The following RMND5A variants were observed in gnomAD, a reference collection of about 807,000 sequenced individuals.
The protein encoded by RMND5A is required for meiotic nuclear division 5 homolog A.
A neutral mutation model predicts 49.7 loss-of-function variants in RMND5A; 17 were observed. The observed-to-expected ratio is 0.34, with a 90% CI of 0.23 to 0.51. The LOEUF (loss-of-function observed/expected upper bound fraction) is 0.51, where lower values mean the gene tolerates loss of function less well. Ranked by LOEUF, RMND5A falls within the 20% of genes least tolerant of loss-of-function variation. RMND5A has a pLI of 0.96. For missense variants in RMND5A, 255 were observed against 471.3 expected (o/e 0.54, Z 4.25); for synonymous variants, 156 against 167.7 (o/e 0.93, Z 0.54).
At chr2:86,754,441 T>A (rs2104398993) in intron 4 of RMND5A, among the ~76,000 whole-genome samples, 1 of 152,390 alleles carries the variant, frequency 6.6e-6, no homozygotes, top group East Asian at 1.9e-4. Context: ...CCAGAAAAAT[T>A]AACCATCAGT....
chr2:86,763,578 A>AAG lies in RMND5A; in HGVS notation c.522-1448_522-1447insGA, dbSNP rs1672542451. Among the ~76,000 whole-genome samples the AAG allele has an allele frequency of 2.0e-5, 3 of 152,254 alleles. No homozygotes were observed. In the South Asian group the frequency reaches 6.2e-4, roughly 32 times the overall value. ...GAGGATCACTTGAGCCCAGGAGTTCAAAATCAGCTTGGGCAACATAGTGTT... is the reference window on the plus strand; with the variant it reads ...GAGGATCACTTGAGCCCAGGAGTTCAAGAAATCAGCTTGGGCAACATAGTGTT... On this transcript the variant is annotated intron_variant, in intron 4 of 8. Coordinates refer to ENST00000283632, the MANE Select transcript of RMND5A (RefSeq NM_022780.4).
chr2:86,720,835 G>T (rs774769866), intron 1 of RMND5A, 26 bp downstream of exon 1: 4 of 1,557,918 alleles, frequency 2.6e-6, no homozygotes, highest in Non-Finnish European at 3.5e-6. Flanking sequence ...TGGGCGCGCG[G>T]GGCATGGCCC....
In RMND5A at chr2:86,770,114, G is replaced by A; in HGVS notation, c.946G>A (p.Asp316Asn). Residue 316 changes from aspartate (D) to asparagine (N), a missense_variant, in exon 7 of 9, where the codon GAT (aspartate) becomes AAT (asparagine). Transcript: ENST00000283632. ...RQCTGVWNQK[D>N]ELPIEVDLGK... ...GTGTACTGGAGTTTGGAACCAGAAA[G>A]ATGAATTACCTGTGAGTTCCATTTT... 1 of 1,610,654 alleles carries A rather than the reference G, an allele frequency of 6.2e-7. No homozygotes were observed. Among genetic ancestry groups the A allele is most frequent in the Non-Finnish European group, 8.5e-7 (1 of 1,176,874 alleles).
Position 86,720,665 on chromosome 2 carries a change from G to C in RMND5A, c.-3G>C. 1.3e-6 allele frequency: 2 copies of C among 1,548,660 alleles called. No homozygotes were observed. The highest frequency in any genetic ancestry group is 1.4e-5 in the African/African-American group (1 of 70,924). On this transcript the variant is annotated 5_prime_UTR_variant, in exon 1 of 9. Coordinates refer to ENST00000283632, the MANE Select transcript of RMND5A (RefSeq NM_022780.4). The stretch of plus-strand genomic sequence containing the variant: ...CGAGGAGCCGAGCGCCGCCGCCTCC[G>C]GCATGGATCAGTGCGTGACGGTGGA...
Position 86,777,581 on chromosome 2 carries a change from C to T in RMND5A, c.*4170C>T, listed in dbSNP as rs1411486132. On this transcript the variant is annotated 3_prime_UTR_variant, in exon 9 of 9. Transcript: ENST00000283632. ...ATCAAATCATCTTGTTCAGATGGCT[C>T]AGGATTGTATTTATTTTGCTTACCC... The T allele has an allele frequency of 1.3e-5, 2 of 152,144 alleles. No homozygotes were observed. The highest frequency in any genetic ancestry group is 2.4e-5 in the African/African-American group (1 of 41,408). 9.4% of individuals were successfully genotyped at this position (152,144 alleles called of 1,614,324 possible).
chr2:86,759,960 T>G (rs1672413399), intron 4 of RMND5A, among the ~76,000 whole-genome samples: 1 of 152,168 alleles, frequency 6.6e-6, no homozygotes, highest in Admixed American at 6.5e-5. Flanking sequence ...CTTTATGTCT[T>G]TCCTCATTAT....
chr2:86,752,305 G>A (rs544052857), intron 3 of RMND5A, among the ~76,000 whole-genome samples: 4 of 152,246 alleles, frequency 2.6e-5, no homozygotes, highest in East Asian at 1.9e-4. Context: ...GCGCAAAAGC[G>A]ATATTCTTTC....
rs113642630 is a variant in RMND5A, at chr2:86,753,566, T to C, written c.521+8T>C. On this transcript the variant is annotated splice_region_variant and intron_variant, in intron 4 of 8. Transcript: ENST00000283632. ...TCTGAGACCTGCTCTGGAGTGAGTA[T>C]TGAGTTTGCTTTCTTTTGAGTACTT... The C allele has an allele frequency of 6.9e-7, 1 of 1,457,734 alleles. No homozygotes were observed. The highest frequency in any genetic ancestry group is 1.8e-5 in the Admixed American group (1 of 54,862). The allele number at this position is 1,457,734 out of a possible 1,614,324, so 90.3% of individuals were successfully genotyped here. A position where few individuals can be genotyped will look rare whatever the true frequency, so the allele number is the denominator to read the frequency against.
chr2:86,753,115 G>A (rs115400152), intron 3 of RMND5A, among the ~76,000 whole-genome samples: 4,947 of 152,220 alleles, frequency 0.032, 281 homozygotes, highest in African/African-American at 0.11. Context: ...TATTCCCAGG[G>A]TGTCTCCTGT....
chr2:86,762,298 C>T lies in RMND5A; in HGVS notation c.522-2729C>T, dbSNP rs184904321. On this transcript the variant is annotated intron_variant, in intron 4 of 8. Coordinates refer to ENST00000283632, the MANE Select transcript of RMND5A (RefSeq NM_022780.4). ...CAGTTGATAAATAATGCTTGAAATCCCAGAGTCATTACTGCTAAACATTCT... is the reference window on the plus strand; with the variant it reads ...CAGTTGATAAATAATGCTTGAAATCTCAGAGTCATTACTGCTAAACATTCT... Among the ~76,000 whole-genome samples, 3 of 152,208 alleles carry T rather than the reference C, an allele frequency of 2.0e-5. No homozygotes were observed. The East Asian group carries it at 5.8e-4, about 29-fold the overall frequency.
Position 86,777,005 on chromosome 2 carries a change from TAATG to T in RMND5A, c.*3597_*3600del, listed in dbSNP as rs1672781917. The T allele has an allele frequency of 6.6e-6, 1 of 152,232 alleles. No individual in the cohort carries two copies. Among genetic ancestry groups the T allele is most frequent in the African/African-American group, 2.4e-5 (1 of 41,450 alleles). The allele number at this position is 152,232 out of a possible 1,614,324, so 9.4% of individuals were successfully genotyped here. On this transcript the variant is annotated 3_prime_UTR_variant, in exon 9 of 9. Transcript: ENST00000283632. ...AGGTACAAGCTTCATGAACCGTTCT[TAATG>T]AACTATAATTGAATAGATACCAAAA... is the stretch of plus-strand genomic sequence containing the variant.
chr2:86,771,595 C>T lies in RMND5A; in HGVS notation c.995C>T (p.Ser332Phe). The T allele has an allele frequency of 6.2e-7, 1 of 1,609,002 alleles. No individual in the cohort carries two copies. Among genetic ancestry groups the T allele is most frequent in the Non-Finnish European group, 8.5e-7 (1 of 1,178,152 alleles). ...VDLGKKCWYH[S>F]IFACPILRQQ... ...CTTGGTAAAAAGTGCTGGTATCACTCTATATTTGCCTGCCCCATTCTTCGT... is the reference window on the plus strand; with the variant it reads ...CTTGGTAAAAAGTGCTGGTATCACTTTATATTTGCCTGCCCCATTCTTCGT... Residue 332 changes from serine to phenylalanine, a missense_variant, in exon 8 of 9, where the codon TCT (serine) becomes TTT (phenylalanine). Transcript: ENST00000283632.
chr2:86,759,565 TA>T (rs199988294), intron 4 of RMND5A, among the ~76,000 whole-genome samples: 1,696 of 152,206 alleles, frequency 0.011, 30 homozygotes, highest in African/African-American at 0.03. Flanking sequence ...AGAATTTTTT[TA>T]AAAAAATTAT....
intron 4 of RMND5A, among the ~76,000 whole-genome samples, chr2:86,764,153 C>G (rs1422225325): frequency 6.6e-6 from 1 of 152,014 alleles, no homozygotes; most frequent in Non-Finnish European, 1.5e-5. Context: ...GTATTCTTAC[C>G]CAGTTCAGAT....
At chr2:86,724,148 A>G (rs1296725798) in intron 1 of RMND5A, among the ~76,000 whole-genome samples, 13 of 146,368 alleles carry the variant, frequency 8.9e-5, no homozygotes, top group Non-Finnish European at 1.8e-4. Context: ...GAGAACAATA[A>G]TGGAATATAA....
Position 86,721,609 on chromosome 2 carries a change from G to A in RMND5A, c.142+800G>A, listed in dbSNP as rs183928829. Among the ~76,000 whole-genome samples the A allele has an allele frequency of 4.5e-3, 665 of 146,202 alleles. 16 individuals carry two copies. Among genetic ancestry groups the A allele is most frequent in the African/African-American group, 0.015 (598 of 39,940 alleles). ...CTATAGAAGGTGTTTCACCTAGATTGTTTTTTTTTTTACTGCCCCAAGCCC... is the reference window on the plus strand; with the variant it reads ...CTATAGAAGGTGTTTCACCTAGATTATTTTTTTTTTTACTGCCCCAAGCCC... On this transcript the variant is annotated intron_variant, in intron 1 of 8. Transcript: ENST00000283632.
chr2:86,756,643 G>A (rs1350954593), intron 4 of RMND5A, among the ~76,000 whole-genome samples: 1 of 152,174 alleles, frequency 6.6e-6, no homozygotes, highest in Non-Finnish European at 1.5e-5. Flanking sequence ...TCTTTCATGA[G>A]CTAGGTACAG....
At chr2:86,770,209 C>T (rs1038300020) in intron 7 of RMND5A, 84 bp downstream of exon 7, 2 of 981,780 alleles carry the variant, frequency 2.0e-6, no homozygotes. Context: ...TACCTTTTAA[C>T]CAGGAAACAT....
rs998096655 is a variant in RMND5A at position 86,775,756 on chromosome 2, T to C, written c.*2345T>C. The C allele has an allele frequency of 6.6e-6, 1 of 152,208 alleles. No individual in the cohort carries two copies. Among genetic ancestry groups the C allele is most frequent in the Non-Finnish European group, 1.5e-5 (1 of 68,042 alleles). 9.4% of individuals were successfully genotyped at this position (152,208 alleles called of 1,614,324 possible). A position where few individuals can be genotyped will look rare whatever the true frequency, so the allele number is the denominator to read the frequency against. ...ATGGAAATTATATCTTGTGACCGTC[T>C]TCAAGTGCATGGACTTAAAATTCAT... On this transcript the variant is annotated 3_prime_UTR_variant, in exon 9 of 9. Coordinates refer to ENST00000283632, the MANE Select transcript of RMND5A (RefSeq NM_022780.4).
Sources: gnomAD v4.1 joint callset for allele counts (sites outside exome capture counted in the v4.1 genomes callset) on GRCh38, gnomAD v4.1.1 for gene constraint, MANE v1.5 for transcripts, NCBI Gene and HGNC (gene_info 2026-07-23, HGNC 2026-07-21) for gene names.